ATP13A2: variants seen among roughly 807,000 people sequenced by gnomAD.
The protein encoded by ATP13A2 is polyamine-transporting ATPase 13A2.
A neutral mutation model predicts 138.3 loss-of-function variants in ATP13A2; 83 were observed. The observed-to-expected ratio is 0.60, with a 90% CI of 0.50 to 0.72. The LOEUF (loss-of-function observed/expected upper bound fraction) is 0.72. Among genes scored for constraint, ATP13A2 ranks in the 30% least tolerant of loss-of-function variants. The probability of loss-of-function intolerance (pLI) is 0.00; values close to 1 mark genes in which losing one functional copy is unlikely to be tolerated. For missense variants in ATP13A2, 1,402 were observed against 1,606.4 expected, an observed-to-expected ratio of 0.87 and a Z score of 2.17; for synonymous variants, 663 against 699.0, an observed-to-expected ratio of 0.95 and a Z score of 0.81.
At chr1:17,000,205 C>A in intron 10 of ATP13A2, 41 bp downstream of exon 10, 1 of 1,544,224 alleles carries the variant, frequency 6.5e-7, no homozygotes, top group Non-Finnish European at 8.7e-7. Flanking sequence ...CCCCCCCACC[C>A]TCCCACTCCT....
At chr1:16,999,580 T>C (rs887679067) in intron 11 of ATP13A2, among the ~76,000 whole-genome samples, 2 of 151,830 alleles carry the variant, frequency 1.3e-5, no homozygotes, top group African/African-American at 4.8e-5. Context: ...GGTTAGCAAG[T>C]CCTAAAGCTG....
At position 17,005,443 on chromosome 1, in the gene ATP13A2, C is replaced by T. The variant is rs1469953920; in HGVS notation, c.219G>A (p.Val73=). ...LLFRWKPLWG[V]RLRLRPCNLA... ...GGTTGCAGGGCCGGAGCCGCAGCCGCACCCCCCACAGGGGCTTCCAACGGA... is the reference window on the plus strand; with the variant it reads ...GGTTGCAGGGCCGGAGCCGCAGCCGTACCCCCCACAGGGGCTTCCAACGGA... Residue 73 remains valine (V), a synonymous_variant, in exon 3 of 29, where the codon GTG becomes GTA. Transcript: ENST00000326735. 6.2e-7 allele frequency: 1 copy of T among 1,613,966 alleles called. No individual in the cohort carries two copies. The highest frequency in any genetic ancestry group is 8.5e-7 in the Non-Finnish European group (1 of 1,179,994).
rs779310083 is a variant in ATP13A2 at position 16,986,356 on chromosome 1, G to T, written c.3408C>A (p.Ser1136Arg). ...LNFVGAFMLE[S>R]VLDQCLPACL... ...AGGCGGGGAGGCACTGGTCTAGCACGCTCTGCAAAGGGCAGGGAGGGTGTC... is the reference window on the plus strand; with the variant it reads ...AGGCGGGGAGGCACTGGTCTAGCACTCTCTGCAAAGGGCAGGGAGGGTGTC... The change falls in exon 29 of 29, where the codon AGC becomes AGA. Residue 1136 changes from serine to arginine, a missense_variant and splice_region_variant. Transcript: ENST00000326735. This position sits in a 1 kb window ranked among gnomAD's most constrained non-coding sequence, Gnocchi z 6.9. 10 of 1,579,704 alleles carry T rather than the reference G, an allele frequency of 6.3e-6. No individual in the cohort carries two copies. The highest frequency in any genetic ancestry group is 6.0e-6 in the Non-Finnish European group (7 of 1,165,478).
rs1553168152 is a variant in ATP13A2 at position 16,995,022 on chromosome 1, T to TGTCAACCAGG, written c.1542+944_1542+953dup. On this transcript the variant is annotated intron_variant, in intron 15 of 28. Transcript: ENST00000326735. This position sits in a 1 kb window ranked among gnomAD's most constrained non-coding sequence, Gnocchi z 4.1. The stretch of plus-strand genomic sequence containing the variant: ...CAGCCTCTGAATGTCACCTAGCCTC[T>TGTCAACCAGG]GTCAACCAGGCCACTGCCTACCCGG... 6.6e-6 allele frequency among the ~76,000 whole-genome samples: 1 copy of TGTCAACCAGG among 152,154 alleles called. No individual in the cohort carries two copies. Among genetic ancestry groups the TGTCAACCAGG allele is most frequent in the Non-Finnish European group, 1.5e-5 (1 of 68,006 alleles).
rs377073826 is a variant in ATP13A2 at position 16,989,851 on chromosome 1, G to A, written c.2529+36C>T. The A allele has an allele frequency of 1.4e-5, 22 of 1,608,966 alleles. No homozygotes were observed. The Admixed American group carries it at 1.5e-4, about 11-fold the overall frequency. On this transcript the variant is annotated intron_variant, in intron 22 of 28. Transcript: ENST00000326735. ...GTGAGGAAGGAGACAGAGCAGGGGAGGCGCAGGGCGGCCAGGGAGCTGGGG... is the reference window on the plus strand; with the variant it reads ...GTGAGGAAGGAGACAGAGCAGGGGAAGCGCAGGGCGGCCAGGGAGCTGGGG...
chr1:17,004,704 C>T lies in ATP13A2; in HGVS notation c.465G>A (p.Val155=). 6.2e-7 allele frequency: 1 copy of T among 1,614,094 alleles called. No individual in the cohort carries two copies. The highest frequency in any genetic ancestry group is 8.5e-7 in the Non-Finnish European group (1 of 1,180,028). ...TAQLHKSEEA[V]SVGQKRVLRY... ...TTTCAGAACCCACCTGTCCGACACT[C>T]ACCGCCTCCTCGCTCTTGTGGAGCT... Residue 155 remains valine, a synonymous_variant, in exon 5 of 29, where the codon GTG becomes GTA. Transcript: ENST00000326735. This position sits in a 1 kb window ranked among gnomAD's most constrained non-coding sequence, Gnocchi z 4.1.
chr1:17,011,645 C>T lies in ATP13A2; in HGVS notation c.10+84G>A, dbSNP rs2077797393. The T allele has an allele frequency of 5.0e-6, 7 of 1,412,868 alleles. No homozygotes were observed. The highest frequency in any genetic ancestry group is 6.4e-6 in the Non-Finnish European group (7 of 1,086,532). The allele number at this position is 1,412,868 out of a possible 1,614,324, so 87.5% of individuals were successfully genotyped here. On this transcript the variant is annotated intron_variant, in intron 1 of 28. Coordinates refer to ENST00000326735, the MANE Select transcript of ATP13A2 (RefSeq NM_022089.4). This position sits in a 1 kb window ranked among gnomAD's most constrained non-coding sequence, Gnocchi z 7.3. The stretch of plus-strand genomic sequence containing the variant: ...GCGACCCCGCGGTGGGGGGCGTCGC[C>T]TCCCCTCTCCCTCCAAGGGGTGACG...
At chr1:17,000,734 G>A (rs1438632703) in intron 8 of ATP13A2, 200 bp from the exon 9 acceptor site, 1 of 676,454 alleles carries the variant, frequency 1.5e-6, no homozygotes, top group African/African-American at 1.8e-5. Flanking sequence ...AAGAGGACAA[G>A]GGTTTATGAC....
chr1:16,996,383 C>T lies in ATP13A2; in HGVS notation c.1306+3G>A, dbSNP rs929347173. 2.9e-5 allele frequency: 47 copies of T among 1,613,904 alleles called. No homozygotes were observed. The highest frequency in any genetic ancestry group is 3.9e-5 in the Non-Finnish European group (46 of 1,179,964). ...GCAGAGGAGGGTGCAGGGGGCCACT[C>T]ACCCAGGACAGAGAGGGCAGCCACA... On this transcript the variant is annotated splice_donor_region_variant and intron_variant, in intron 13 of 28. Coordinates refer to ENST00000326735, the MANE Select transcript of ATP13A2 (RefSeq NM_022089.4).
intron 1 of ATP13A2, among the ~76,000 whole-genome samples, chr1:17,009,052 C>T (rs907886104): frequency 2.0e-4 from 31 of 152,130 alleles, no homozygotes; most frequent in Admixed American, 3.3e-4. Flanking sequence ...GATTTCCTCC[C>T]GCACCAACCC....
intron 15 of ATP13A2, 133 bp from the exon 16 acceptor site, chr1:16,993,968 C>T: frequency 2.7e-6 from 2 of 730,310 alleles, no homozygotes; most frequent in Non-Finnish European, 2.2e-6. Flanking sequence ...AAAAGATGAC[C>T]TTTCTTGACT....
Position 17,002,078 on chromosome 1 carries a change from T to C in ATP13A2, c.661A>G (p.Ile221Val), listed in dbSNP as rs1266929557. 6 of 1,613,662 alleles carry C rather than the reference T, an allele frequency of 3.7e-6. No individual in the cohort carries two copies. Among genetic ancestry groups the C allele is most frequent in the Non-Finnish European group, 5.1e-6 (6 of 1,179,884 alleles). ...VRKAIYGPNV[I>V]SIPVKSYPQL... ...GGGTAGGACTTGACCGGTATGCTGATCACGTTGGGGCCGTAAATGGCCTTC... is the reference window on the plus strand; with the variant it reads ...GGGTAGGACTTGACCGGTATGCTGACCACGTTGGGGCCGTAAATGGCCTTC... Residue 221 changes from isoleucine (I) to valine (V), a missense_variant, in exon 8 of 29, where the codon ATC (isoleucine) becomes GTC (valine). By Grantham distance (29) the Ile-to-Val change is conservative. Transcript: ENST00000326735.
Position 17,005,048 on chromosome 1 carries a change from C to T in ATP13A2, c.313G>A (p.Val105Ile), listed in dbSNP as rs1190667301. 1.2e-6 allele frequency: 2 copies of T among 1,614,110 alleles called. No individual in the cohort carries two copies. The highest frequency in any genetic ancestry group is 3.3e-5 in the Admixed American group (2 of 60,020). Reference protein sequence around the residue: ...KEDSSWQLFTVQVQTEAIGEG... With the variant: ...KEDSSWQLFTIQVQTEAIGEG... Reference sequence around the variant, plus strand: ...CCGATGGCCTCAGTCTGCACCTGGACAGTGAAGAGCTGCCAGGAACTATCC... The same window carrying T: ...CCGATGGCCTCAGTCTGCACCTGGATAGTGAAGAGCTGCCAGGAACTATCC... The change falls in exon 4 of 29, where the codon GTC (valine) becomes ATC (isoleucine). Residue 105 changes from valine (V) to isoleucine (I), a missense_variant. Val to Ile is a conservative substitution (Grantham distance 29). Coordinates refer to ENST00000326735, the MANE Select transcript of ATP13A2 (RefSeq NM_022089.4).
intron 1 of ATP13A2, among the ~76,000 whole-genome samples, chr1:17,009,009 A>G (rs1034805118): frequency 6.6e-6 from 1 of 151,044 alleles, no homozygotes; most frequent in Non-Finnish European, 1.5e-5. Flanking sequence ...CTCAGGGATG[A>G]TGGGAAAGGA....
chr1:16,992,112 G>C lies in ATP13A2; in HGVS notation c.2023C>G (p.Gln675Glu). Reference protein sequence around the residue: ...NPETVPTDFAQMLQSYTAAGY... With the variant: ...NPETVPTDFAEMLQSYTAAGY... ...GCAGCTGTATAGCTCTGCAGCATCTGGGCGAAGTCGGTGGGCACTGCCAGG... is the reference window on the plus strand; with the variant it reads ...GCAGCTGTATAGCTCTGCAGCATCTCGGCGAAGTCGGTGGGCACTGCCAGG... The change falls in exon 19 of 29, where the codon CAG becomes GAG. Residue 675 changes from glutamine to glutamate, a missense_variant. By Grantham distance (29) the Gln-to-Glu change is conservative. Transcript: ENST00000326735. 1 of 1,613,364 alleles carries C rather than the reference G, an allele frequency of 6.2e-7. No individual in the cohort carries two copies. Among genetic ancestry groups the C allele is most frequent in the Non-Finnish European group, 8.5e-7 (1 of 1,179,608 alleles).
rs1476992828 is a variant in ATP13A2, at chr1:16,989,985, T to C, written c.2431A>G (p.Ser811Gly). 1.2e-6 allele frequency: 2 copies of C among 1,611,026 alleles called. No homozygotes were observed. Among genetic ancestry groups the C allele is most frequent in the Non-Finnish European group, 1.7e-6 (2 of 1,178,704 alleles). The change falls in exon 22 of 29, where the codon AGC (serine) becomes GGC (glycine). Residue 811 changes from serine (S) to glycine (G), a missense_variant. Ser to Gly is a moderately conservative substitution (Grantham distance 56). Coordinates refer to ENST00000326735, the MANE Select transcript of ATP13A2 (RefSeq NM_022089.4). ...NGVKDPDQAA[S>G]YTVEPDPRSR... Reference sequence around the variant, plus strand: ...CGGGGGTCTGGCTCCACGGTGTAGCTTGCAGCCTGGTCAGGATCCTGGGGG... The same window carrying C: ...CGGGGGTCTGGCTCCACGGTGTAGCCTGCAGCCTGGTCAGGATCCTGGGGG...
intron 1 of ATP13A2, among the ~76,000 whole-genome samples, chr1:17,006,003 C>T (rs909766361): frequency 7.2e-5 from 11 of 152,142 alleles, no homozygotes; most frequent in Admixed American, 7.2e-4. Flanking sequence ...GGCGTGGCAG[C>T]GCGTGCCTGT....
chr1:17,002,617 CA>C (rs764134061), intron 6 of ATP13A2, among the ~76,000 whole-genome samples: 13 of 152,308 alleles, frequency 8.5e-5, no homozygotes, highest in South Asian at 6.2e-4. Flanking sequence ...ATAATATGAA[CA>C]GTGAAAAGAG....
chr1:16,992,638 G>T (rs2076978317), intron 16 of ATP13A2, 57 bp from the exon 17 acceptor site: 1 of 1,576,650 alleles, frequency 6.3e-7, no homozygotes, highest in Non-Finnish European at 8.7e-7. Flanking sequence ...AGAGAGATTT[G>T]AGCTAGACTC....
Sources: allele counts gnomAD v4.1 joint callset (sites outside exome capture counted in the v4.1 genomes callset), GRCh38; gene constraint gnomAD v4.1.1; non-coding constraint Gnocchi (gnomAD v3.1); transcripts MANE v1.5; gene names NCBI Gene and HGNC (gene_info 2026-07-23, HGNC 2026-07-21).